The following ZBTB20 variants were observed in gnomAD, a reference collection of about 807,000 sequenced individuals.
ZBTB20 encodes zinc finger and BTB domain containing 20, also known as zinc finger and BTB domain-containing protein 20.
In ZBTB20, 9 loss-of-function variants were observed where a neutral mutation model predicts 56.9. The observed-to-expected ratio is 0.16, with a 90% CI of 0.10 to 0.28. The LOEUF (loss-of-function observed/expected upper bound fraction) is 0.28, where lower values mean the gene tolerates loss of function less well. ZBTB20 is among the 10% of genes least tolerant of loss of function. ZBTB20 has a pLI of 1.00. For missense variants in ZBTB20, 655 were observed against 1,003.0 expected (o/e 0.65, Z 4.69); for synonymous variants, 417 against 420.7 (o/e 0.99, Z 0.11).
intron 4 of ZBTB20, among the ~76,000 whole-genome samples, chr3:114,880,146 T>G (rs1419631018): frequency 1.3e-5 from 2 of 152,214 alleles, no homozygotes; most frequent in Non-Finnish European, 2.9e-5. Flanking sequence ...ATGATTAGTA[T>G]GAGTAAGTGG....
At chr3:115,026,199 G>A (rs1393333958) in intron 2 of ZBTB20, among the ~76,000 whole-genome samples, 1 of 150,924 alleles carries the variant, frequency 6.6e-6, no homozygotes, top group Non-Finnish European at 1.5e-5. Flanking sequence ...AGTTAGGTAA[G>A]GTCCATTTTG....
chr3:114,658,791 T>C (rs542643851), intron 6 of ZBTB20: 2 of 152,336 alleles, frequency 1.3e-5, no homozygotes, highest in South Asian at 4.1e-4. Flanking sequence ...TCAAATTCAT[T>C]TCTTCTAGAC....
At chr3:114,594,686 G>A (rs946162576) in intron 6 of ZBTB20, among the ~76,000 whole-genome samples, 10 of 152,138 alleles carry the variant, frequency 6.6e-5, no homozygotes, top group African/African-American at 2.4e-4. Flanking sequence ...ACAGCAAAAA[G>A]AGGGTAAGGT....
chr3:114,703,836 T>A (rs1040090799), intron 5 of ZBTB20, among the ~76,000 whole-genome samples: 1 of 152,208 alleles, frequency 6.6e-6, no homozygotes, highest in Non-Finnish European at 1.5e-5. Flanking sequence ...TAGAAAATAC[T>A]GTAGAACGAA....
At chr3:114,722,301 G>T (rs6438216) in intron 5 of ZBTB20, among the ~76,000 whole-genome samples, 148,690 of 152,276 alleles carry the variant, frequency 0.98, 72,703 homozygotes, top group Middle Eastern at 1. Context: ...GGATTCAGTG[G>T]TTTTATATAA....
intron 5 of ZBTB20, among the ~76,000 whole-genome samples, chr3:114,737,456 C>A (rs1200129142): frequency 6.6e-6 from 1 of 152,022 alleles, no homozygotes; most frequent in East Asian, 1.9e-4. Flanking sequence ...TGAACAAACC[C>A]AACTGAAATG....
At position 114,324,371 on chromosome 3, in the gene ZBTB20, T is replaced by C. The variant is rs1436046296; in HGVS notation, c.*14634A>G. On this transcript the variant is annotated 3_prime_UTR_variant, in exon 12 of 12. Coordinates refer to ENST00000675478, the MANE Select transcript of ZBTB20 (RefSeq NM_001348800.3). ...ACAGTGCTGGGCTTTTATTTTTGAA[T>C]AGTGCAATCAGCTATTCCTCAAGGG... The C allele has an allele frequency of 3.3e-5, 5 of 152,282 alleles. No individual in the cohort carries two copies. Among genetic ancestry groups the C allele is most frequent in the African/African-American group, 1.2e-4 (5 of 41,566 alleles). The allele number at this position is 152,282 out of a possible 1,614,324, so 9.4% of individuals were successfully genotyped here.
At chr3:114,622,908 TTG>T (rs772588734) in intron 6 of ZBTB20, among the ~76,000 whole-genome samples, 40 of 152,324 alleles carry the variant, frequency 2.6e-4, no homozygotes, top group Admixed American at 8.5e-4. Flanking sequence ...TTAGGCTGGG[TTG>T]TGATTCCTGG....
intron 10 of ZBTB20, 98 bp from the exon 11 acceptor site, chr3:114,351,976 C>T: frequency 6.9e-7 from 1 of 1,443,674 alleles, no homozygotes; most frequent in Non-Finnish European, 9.4e-7. Flanking sequence ...GCTCATGGCT[C>T]CTAGAAGCAC....
intron 3 of ZBTB20, among the ~76,000 whole-genome samples, chr3:114,912,944 T>C (rs1193233780): frequency 6.6e-6 from 1 of 152,032 alleles, no homozygotes; most frequent in Non-Finnish European, 1.5e-5. Context: ...TACTACTCCA[T>C]TGCATATATG....
intron 4 of ZBTB20, among the ~76,000 whole-genome samples, chr3:114,880,604 A>C (rs2076363227): frequency 6.6e-6 from 1 of 152,188 alleles, no homozygotes; most frequent in Non-Finnish European, 1.5e-5. Flanking sequence ...AGGGATGTTT[A>C]TAAAAAAGAT....
chr3:115,002,633 G>A (rs1383988667), intron 2 of ZBTB20, among the ~76,000 whole-genome samples: 1 of 151,494 alleles, frequency 6.6e-6, no homozygotes, highest in African/African-American at 2.4e-5. Flanking sequence ...TTAAAACAAT[G>A]AGATATCACT....
rs1182136255 is a variant in ZBTB20 at position 115,145,010 on chromosome 3, C to T, written c.-703+2209G>A. 3 of 152,198 alleles carry T rather than the reference C, an allele frequency of 2.0e-5. No homozygotes were observed. In the East Asian group the frequency reaches 5.8e-4, roughly 29 times the overall value. 9.4% of individuals were successfully genotyped at this position (152,198 alleles called of 1,614,324 possible). ...TTCTTCTCACCTGTTTACTTCAACA[C>T]CATGTGTCCCCAAACCTAAGGCCCT... is the stretch of plus-strand genomic sequence containing the variant. On this transcript the variant is annotated intron_variant, in intron 1 of 11. Coordinates refer to ENST00000675478, the MANE Select transcript of ZBTB20 (RefSeq NM_001348800.3).
At chr3:114,561,907 T>C (rs1024766855) in intron 6 of ZBTB20, among the ~76,000 whole-genome samples, 2 of 152,128 alleles carry the variant, frequency 1.3e-5, no homozygotes, top group Non-Finnish European at 2.9e-5. Context: ...TTCATCTATA[T>C]TGAGAATCTG....
At chr3:114,788,537 T>G (rs1167560333) in intron 5 of ZBTB20, among the ~76,000 whole-genome samples, 1 of 152,162 alleles carries the variant, frequency 6.6e-6, no homozygotes, top group East Asian at 1.9e-4. Context: ...TGGACCACAT[T>G]TTGTTAATCC....
At chr3:114,949,423 G>A (rs2076988041) in intron 3 of ZBTB20, among the ~76,000 whole-genome samples, 1 of 146,224 alleles carries the variant, frequency 6.8e-6, no homozygotes, top group Non-Finnish European at 1.5e-5. Flanking sequence ...AACACTAAAA[G>A]AAGAAATTGA....
chr3:114,790,329 G>A (rs1476096305), intron 5 of ZBTB20, among the ~76,000 whole-genome samples: 2 of 151,678 alleles, frequency 1.3e-5, no homozygotes, highest in East Asian at 3.9e-4. Flanking sequence ...TCCTTTTTTT[G>A]TTCCCAACTC....
At chr3:114,682,079 A>G (rs2062009197) in intron 6 of ZBTB20, among the ~76,000 whole-genome samples, 1 of 152,192 alleles carries the variant, frequency 6.6e-6, no homozygotes, top group Non-Finnish European at 1.5e-5. Context: ...TCTGATTTAA[A>G]TTTCACAAAA....
At chr3:114,393,124 T>A (rs750315490) in intron 7 of ZBTB20, among the ~76,000 whole-genome samples, 1 of 152,226 alleles carries the variant, frequency 6.6e-6, no homozygotes, top group Non-Finnish European at 1.5e-5. Context: ...ATCCATTAAA[T>A]AGCATCACCC....
Sources: allele counts gnomAD v4.1 joint callset (sites outside exome capture counted in the v4.1 genomes callset), GRCh38; gene constraint gnomAD v4.1.1; transcripts MANE v1.5; gene names NCBI Gene and HGNC (gene_info 2026-07-23, HGNC 2026-07-21).